The following MCC variants were observed in gnomAD, a reference collection of about 807,000 sequenced individuals.
MCC encodes colorectal mutant cancer protein.
Under a neutral mutation model 116.2 loss-of-function variants are expected in MCC, and 90 were observed. The observed-to-expected ratio is 0.77, with a 90% confidence interval of 0.65 to 0.92. MCC has a LOEUF of 0.92. Among genes scored for constraint, MCC ranks in the 40% least tolerant of loss-of-function variants. MCC has a pLI of 0.00. For synonymous variants in MCC, 578 were observed against 510.5 expected, an observed-to-expected ratio of 1.13 and a Z score of -1.78; for missense variants, 1,516 against 1,312.2, an observed-to-expected ratio of 1.16 and a Z score of -2.40.
intron 3 of MCC, among the ~76,000 whole-genome samples, chr5:113,278,580 A>G (rs1765917406): frequency 6.6e-6 from 1 of 152,240 alleles, no homozygotes; most frequent in African/African-American, 2.4e-5. Context: ...CAGGAGGTAG[A>G]CAAGCAAAGT....
intron 8 of MCC, among the ~76,000 whole-genome samples, chr5:113,091,821 G>A (rs532650982): frequency 1.3e-5 from 2 of 152,032 alleles, no homozygotes; most frequent in South Asian, 4.1e-4. Flanking sequence ...GCAGGTCAAG[G>A]CCATGGTGGG....
chr5:113,060,482 C>A (rs762187814), intron 14 of MCC, among the ~76,000 whole-genome samples: 3 of 152,088 alleles, frequency 2.0e-5, no homozygotes, highest in Non-Finnish European at 2.9e-5. Context: ...GGAAAGTGCC[C>A]TGGGGGTGGG....
At chr5:113,332,428 G>C (rs1767721122) in intron 3 of MCC, among the ~76,000 whole-genome samples, 1 of 151,376 alleles carries the variant, frequency 6.6e-6, no homozygotes, top group South Asian at 2.1e-4. Flanking sequence ...GGATAGAAGA[G>C]GCCAGGGACA....
chr5:113,294,283 G>C (rs779030163), intron 3 of MCC: 12 of 1,612,790 alleles, frequency 7.4e-6, no homozygotes. Context: ...TTGTGGAAAA[G>C]CAAACGCCCG....
At chr5:113,041,825 T>C (rs765893214) in intron 17 of MCC, among the ~76,000 whole-genome samples, 9 of 151,998 alleles carry the variant, frequency 5.9e-5, no homozygotes, top group Non-Finnish European at 1.2e-4. Flanking sequence ...TGAAATCCCA[T>C]CTCTACTAAA....
chr5:113,342,585 G>C (rs1046330657), intron 2 of MCC, among the ~76,000 whole-genome samples: 1 of 152,256 alleles, frequency 6.6e-6, no homozygotes, highest in Non-Finnish European at 1.5e-5. Flanking sequence ...TCCATCTGGA[G>C]ATGAATGGGG....
At chr5:113,272,957 T>G (rs180929534) in intron 3 of MCC, among the ~76,000 whole-genome samples, 1 of 152,192 alleles carries the variant, frequency 6.6e-6, no homozygotes, top group Non-Finnish European at 1.5e-5. Context: ...AGCTGCTGTT[T>G]CTTGGGGCTG....
chr5:113,454,836 A>T (rs1305955588), intron 1 of MCC, among the ~76,000 whole-genome samples: 3 of 152,204 alleles, frequency 2.0e-5, no homozygotes, highest in African/African-American at 7.2e-5. Flanking sequence ...GTACTAGAAA[A>T]TGTTCATCTG....
At chr5:113,225,197 T>C (rs1763688761) in intron 3 of MCC, among the ~76,000 whole-genome samples, 1 of 152,246 alleles carries the variant, frequency 6.6e-6, no homozygotes, top group African/African-American at 2.4e-5. Context: ...AGTTCCGATC[T>C]GACTTCACGT....
intron 3 of MCC, among the ~76,000 whole-genome samples, chr5:113,211,403 T>C (rs1325508321): frequency 6.6e-6 from 1 of 152,180 alleles, no homozygotes; most frequent in Non-Finnish European, 1.5e-5. Context: ...GACTAAGACA[T>C]GTAGCATTGG....
chr5:113,270,912 T>A lies in MCC; in HGVS notation c.627+69607A>T, dbSNP rs183495877. Among the ~76,000 whole-genome samples the A allele has an allele frequency of 1.6e-3, 236 of 151,720 alleles. 1 individual carries two copies. Among genetic ancestry groups the A allele is most frequent in the Middle Eastern group, 3.4e-3 (1 of 294 alleles). On this transcript the variant is annotated intron_variant, in intron 3 of 18. Transcript: ENST00000408903. The stretch of plus-strand genomic sequence containing the variant: ...ACCTCTTAAATTGCCCTGCAAAAAA[T>A]ATATATATATACAAACAAAAAGCTG...
chr5:113,126,251 A>C (rs1004291057), intron 5 of MCC, among the ~76,000 whole-genome samples: 1 of 152,234 alleles, frequency 6.6e-6, no homozygotes, highest in African/African-American at 2.4e-5. Context: ...ACACTTGCCT[A>C]TGTAATGACC....
intron 3 of MCC, among the ~76,000 whole-genome samples, chr5:113,304,429 A>T (rs1050028251): frequency 6.6e-6 from 1 of 152,232 alleles, no homozygotes; most frequent in Admixed American, 6.5e-5. Context: ...TGTCTGTCTC[A>T]TTAGTTACAT....
chr5:113,034,507 A>C (rs1751190125), intron 17 of MCC, among the ~76,000 whole-genome samples: 1 of 152,234 alleles, frequency 6.6e-6, no homozygotes, highest in Admixed American at 6.5e-5. Context: ...GCGAGAGCCC[A>C]GTCTCAATGA....
At chr5:113,290,303 C>T (rs966511685) in intron 3 of MCC, among the ~76,000 whole-genome samples, 1 of 152,102 alleles carries the variant, frequency 6.6e-6, no homozygotes, top group African/African-American at 2.4e-5. Context: ...CCAGGGGCAT[C>T]CAATGTTTCC....
chr5:113,404,741 A>G (rs1240003352), intron 1 of MCC, among the ~76,000 whole-genome samples: 3 of 152,212 alleles, frequency 2.0e-5, no homozygotes, highest in Non-Finnish European at 4.4e-5. Context: ...ATACAATGCC[A>G]TGAATACTAA....
intron 11 of MCC, among the ~76,000 whole-genome samples, chr5:113,077,334 C>A (rs1174408663): frequency 1.3e-5 from 2 of 152,152 alleles, no homozygotes; most frequent in African/African-American, 4.8e-5. Context: ...ACTCTCCACC[C>A]CAAATCAACA....
chr5:113,205,617 C>G (rs980485084), intron 3 of MCC, among the ~76,000 whole-genome samples: 3 of 152,252 alleles, frequency 2.0e-5, no homozygotes, highest in African/African-American at 7.2e-5. Context: ...TCTTACCAGT[C>G]TGTCCAAAGA....
chr5:113,212,386 C>T (rs1763165430), intron 3 of MCC, among the ~76,000 whole-genome samples: 1 of 152,132 alleles, frequency 6.6e-6, no homozygotes, highest in Admixed American at 6.5e-5. Flanking sequence ...GCTCCATGAC[C>T]TGGCTCCACT....
Sources: gnomAD v4.1 joint callset for allele counts (sites outside exome capture counted in the v4.1 genomes callset) on GRCh38, gnomAD v4.1.1 for gene constraint, MANE v1.5 for transcripts, NCBI Gene and HGNC (gene_info 2026-07-23, HGNC 2026-07-21) for gene names.